Variants in OCA2 observed in about 807,000 individuals in gnomAD.
The protein encoded by OCA2 is OCA2 melanosomal transmembrane protein.
In OCA2, 77 loss-of-function variants were observed where a neutral mutation model predicts 100.2. That is an observed-to-expected ratio of 0.77 (90% CI 0.64 to 0.93). OCA2 has a LOEUF of 0.93. OCA2 is among the 40% of genes least tolerant of loss of function. OCA2 has a pLI of 0.00. For synonymous variants in OCA2, 432 were observed against 439.2 expected (o/e 0.98, Z 0.21); for missense variants, 1,062 against 1,089.1 (o/e 0.98, Z 0.35).
chr15:28,065,941 A>G (rs899231484), intron 2 of OCA2, among the ~76,000 whole-genome samples: 3 of 152,166 alleles, frequency 2.0e-5, no homozygotes, highest in African/African-American at 7.2e-5. Flanking sequence ...TATAAAGACA[A>G]TTAGTTTTTG....
intron 23 of OCA2, among the ~76,000 whole-genome samples, chr15:27,774,539 G>C (rs915795666): frequency 6.6e-6 from 1 of 152,204 alleles, no homozygotes; most frequent in Non-Finnish European, 1.5e-5. Flanking sequence ...TGAGCCAGCA[G>C]TTCTAGCTGG....
intron 18 of OCA2, among the ~76,000 whole-genome samples, chr15:27,931,645 C>T (rs2039253961): frequency 1.3e-5 from 1 of 77,800 alleles, no homozygotes; most frequent in Non-Finnish European, 2.3e-5. Flanking sequence ...CTGTACCTTG[C>T]ATTTAAAAAA....
In OCA2 at chr15:27,819,728, G is replaced by A. The variant is rs544884979; in HGVS notation, c.2432+25231C>T. On this transcript the variant is annotated intron_variant, in intron 23 of 23. Transcript: ENST00000354638. ...CCAATGTATATAAATGTGTGTGTGT[G>A]TATACAAACTAGTATATACACATAT... Among the ~76,000 whole-genome samples the A allele has an allele frequency of 2.6e-3, 389 of 152,050 alleles. 1 individual carries two copies. The highest frequency in any genetic ancestry group is 8.8e-3 in the African/African-American group (363 of 41,484).
At chr15:27,837,922 TG>T (rs923594741) in intron 23 of OCA2, among the ~76,000 whole-genome samples, 82 of 148,478 alleles carry the variant, frequency 5.5e-4, no homozygotes, top group African/African-American at 2.0e-3. Flanking sequence ...TTACAGAGAC[TG>T]CTCTCCACCA....
intron 2 of OCA2, among the ~76,000 whole-genome samples, chr15:28,036,706 G>T (rs2043054363): frequency 6.7e-6 from 1 of 149,072 alleles, no homozygotes; most frequent in South Asian, 2.1e-4. Flanking sequence ...GACAAAAAAT[G>T]AGCTAAAAAA....
chr15:28,073,251 T>G (rs1595912925), intron 2 of OCA2, among the ~76,000 whole-genome samples: 1 of 152,062 alleles, frequency 6.6e-6, no homozygotes, highest in Non-Finnish European at 1.5e-5. Context: ...CCGTCTCTAT[T>G]AAAAATACAA....
chr15:28,026,826 A>C (rs944186782), intron 4 of OCA2, among the ~76,000 whole-genome samples: 2 of 152,162 alleles, frequency 1.3e-5, no homozygotes, highest in African/African-American at 4.8e-5. Flanking sequence ...ACTGGTCCCC[A>C]CACACAGAGA....
chr15:27,925,667 T>G (rs925178990), intron 19 of OCA2, among the ~76,000 whole-genome samples: 3 of 152,154 alleles, frequency 2.0e-5, no homozygotes, highest in African/African-American at 7.2e-5. Flanking sequence ...ATAAATGAAG[T>G]CTCAAGATTT....
chr15:27,966,174 T>C (rs2040560463), intron 15 of OCA2, among the ~76,000 whole-genome samples: 1 of 152,190 alleles, frequency 6.6e-6, no homozygotes, highest in Non-Finnish European at 1.5e-5. Flanking sequence ...TTTCACCATG[T>C]TGGCCAGGCT....
intron 1 of OCA2, among the ~76,000 whole-genome samples, chr15:28,095,571 G>A (rs1260069918): frequency 6.6e-6 from 1 of 152,034 alleles, no homozygotes; most frequent in African/African-American, 2.4e-5. Flanking sequence ...ACAAAAATTA[G>A]CCGGGCGTGG....
In OCA2 at chr15:28,040,518, G is replaced by C. The variant is rs145904827; in HGVS notation, c.228-8355C>G. 2.0e-5 allele frequency among the ~76,000 whole-genome samples: 3 copies of C among 152,216 alleles called. No homozygotes were observed. The East Asian group carries it at 5.8e-4, about 29-fold the overall frequency. On this transcript the variant is annotated intron_variant, in intron 2 of 23. Transcript: ENST00000354638. Reference sequence around the variant, plus strand: ...ATAAATATTAGAGAGGAGATCTGTAGTGAATTTTAAAAATAAAGAAAATTA... The same window carrying C: ...ATAAATATTAGAGAGGAGATCTGTACTGAATTTTAAAAATAAAGAAAATTA...
chr15:27,735,526 T>G, the OCA2 span, among the ~76,000 whole-genome samples: 1 of 152,074 alleles, frequency 6.6e-6, no homozygotes, highest in Non-Finnish European at 1.5e-5. Flanking sequence ...GATCTCCAAT[T>G]AGATTCCATC....
At chr15:28,087,838 G>A (rs1441253767) in intron 1 of OCA2, among the ~76,000 whole-genome samples, 1 of 152,120 alleles carries the variant, frequency 6.6e-6, no homozygotes, top group Non-Finnish European at 1.5e-5. Context: ...GAGGTGGGTG[G>A]ATCACCTGAG....
At chr15:27,970,478 C>A (rs960335268) in intron 14 of OCA2, among the ~76,000 whole-genome samples, 2 of 152,188 alleles carry the variant, frequency 1.3e-5, no homozygotes, top group African/African-American at 4.8e-5. Context: ...CCCCAGCAGG[C>A]ACGGCATGGT....
At chr15:27,872,668 C>T (rs571427654) in intron 19 of OCA2, among the ~76,000 whole-genome samples, 17 of 151,724 alleles carry the variant, frequency 1.1e-4, no homozygotes, top group Non-Finnish European at 1.8e-4. Flanking sequence ...AGCTTGTCTG[C>T]GCTTTTTTCT....
chr15:28,097,573 C>T (rs2045009637), intron 1 of OCA2, among the ~76,000 whole-genome samples: 1 of 152,182 alleles, frequency 6.6e-6, no homozygotes, highest in Non-Finnish European at 1.5e-5. Context: ...AAAAGCCTCC[C>T]CTTTCTCTCT....
intron 23 of OCA2, among the ~76,000 whole-genome samples, chr15:27,793,629 C>T (rs2033187622): frequency 6.6e-6 from 1 of 152,220 alleles, no homozygotes. Context: ...TTCAGCCCTC[C>T]ATCCCGCTCA....
chr15:27,723,937 CTCT>C, the OCA2 span, among the ~76,000 whole-genome samples: 10 of 152,190 alleles, frequency 6.6e-5, no homozygotes, highest in Non-Finnish European at 1.3e-4. Context: ...ACAATGCCTC[CTCT>C]TCAACGCTTG....
intron 19 of OCA2, among the ~76,000 whole-genome samples, chr15:27,882,497 G>A (rs2037061328): frequency 6.6e-6 from 1 of 152,036 alleles, no homozygotes; most frequent in Non-Finnish European, 1.5e-5. Flanking sequence ...AGTTATAAAA[G>A]CTACTTTAAA....
Sources: gnomAD v4.1 joint callset for allele counts (sites outside exome capture counted in the v4.1 genomes callset) on GRCh38, gnomAD v4.1.1 for gene constraint, MANE v1.5 for transcripts, NCBI Gene and HGNC (gene_info 2026-07-23, HGNC 2026-07-21) for gene names.